Variants in CADPS observed in about 807,000 individuals in gnomAD.
CADPS encodes calcium-dependent secretion activator 1.
In CADPS, 57 loss-of-function variants were observed where a neutral mutation model predicts 167.3. The observed-to-expected ratio is 0.34, with a 90% CI of 0.28 to 0.42. CADPS has a LOEUF of 0.42. Ranked by LOEUF, CADPS falls within the 20% of genes least tolerant of loss-of-function variation. CADPS has a pLI of 1.00. For synonymous variants in CADPS, 676 were observed against 635.3 expected (o/e 1.06, Z -0.96); for missense variants, 1,414 against 1,738.1 (o/e 0.81, Z 3.32).
intron 6 of CADPS, among the ~76,000 whole-genome samples, chr3:62,618,218 T>A (rs2149423638): frequency 6.6e-6 from 1 of 152,230 alleles, no homozygotes. Context: ...AAAGGCTACC[T>A]AAGACTAAAG....
At chr3:62,806,892 C>A (rs1466959826) in intron 1 of CADPS, among the ~76,000 whole-genome samples, 2 of 152,142 alleles carry the variant, frequency 1.3e-5, no homozygotes, top group African/African-American at 4.8e-5. Flanking sequence ...TGCAACTCTT[C>A]CTGAATAAGA....
intron 8 of CADPS, among the ~76,000 whole-genome samples, chr3:62,582,310 G>A (rs992078547): frequency 6.6e-6 from 1 of 152,154 alleles, no homozygotes; most frequent in African/African-American, 2.4e-5. Context: ...GCTGGGTGTG[G>A]TGGTGCACAC....
intron 1 of CADPS, among the ~76,000 whole-genome samples, chr3:62,835,020 T>A (rs1188955994): frequency 6.6e-6 from 1 of 152,182 alleles, no homozygotes; most frequent in African/African-American, 2.4e-5. Context: ...AAGGAGCAGA[T>A]TCATTGTTTG....
At chr3:62,831,575 A>C (rs1251169219) in intron 1 of CADPS, among the ~76,000 whole-genome samples, 4 of 152,180 alleles carry the variant, frequency 2.6e-5, no homozygotes, top group Non-Finnish European at 5.9e-5. Context: ...CATTTGATTC[A>C]GTATAACGAA....
intron 3 of CADPS, among the ~76,000 whole-genome samples, chr3:62,699,321 G>A (rs67694459): frequency 0.18 from 26,607 of 151,834 alleles, 2,557 homozygotes; most frequent in Middle Eastern, 0.22. Context: ...ACCGGCGTGA[G>A]CCACTGTGCC....
intron 1 of CADPS, among the ~76,000 whole-genome samples, chr3:62,862,140 G>A (rs2080910690): frequency 1.3e-5 from 2 of 150,512 alleles, no homozygotes; most frequent in South Asian, 2.1e-4. Flanking sequence ...TCAATTAAGT[G>A]ACTTCCAAAC....
intron 3 of CADPS, among the ~76,000 whole-genome samples, chr3:62,665,704 A>T (rs1439897493): frequency 6.6e-6 from 1 of 152,172 alleles, no homozygotes; most frequent in East Asian, 1.9e-4. Context: ...GGGAGGCTGT[A>T]GCAGTGCTGG....
At chr3:62,612,963 A>G (rs1253911695) in intron 6 of CADPS, among the ~76,000 whole-genome samples, 3 of 152,212 alleles carry the variant, frequency 2.0e-5, no homozygotes, top group South Asian at 4.1e-4. Context: ...AAGACAGACA[A>G]TAATCAAATA....
At chr3:62,550,232 T>C in intron 10 of CADPS, 117 bp from the exon 11 acceptor site, 1 of 719,992 alleles carries the variant, frequency 1.4e-6, no homozygotes, top group Non-Finnish European at 2.4e-6. Flanking sequence ...AGGGGGGTAG[T>C]GATTAACTTA....
intron 1 of CADPS, among the ~76,000 whole-genome samples, chr3:62,868,478 T>C (rs181132763): frequency 1.6e-3 from 247 of 152,224 alleles, no homozygotes; most frequent in African/African-American, 5.7e-3. Flanking sequence ...TGTCATATCT[T>C]CCACTTGTAA....
intron 13 of CADPS, among the ~76,000 whole-genome samples, chr3:62,522,257 C>T (rs1208084603): frequency 1.3e-5 from 2 of 152,118 alleles, no homozygotes; most frequent in Non-Finnish European, 2.9e-5. Flanking sequence ...CTACTGCAGC[C>T]TCCTGAGAGG....
chr3:62,717,104 A>G (rs1177706148), intron 3 of CADPS, among the ~76,000 whole-genome samples: 2 of 152,132 alleles, frequency 1.3e-5, no homozygotes, highest in African/African-American at 2.4e-5. Context: ...CTATATGCAA[A>G]TATCTCCATA....
chr3:62,524,941 A>G (rs888349222), intron 13 of CADPS, among the ~76,000 whole-genome samples: 1 of 152,182 alleles, frequency 6.6e-6, no homozygotes, highest in Non-Finnish European at 1.5e-5. Context: ...ACAGACAACT[A>G]ATCTTTAGAT....
chr3:62,675,087 C>T (rs1283379275), intron 3 of CADPS, among the ~76,000 whole-genome samples: 1 of 152,098 alleles, frequency 6.6e-6, no homozygotes. Context: ...GGGGGACTCT[C>T]TTCCACAGAA....
chr3:62,539,270 G>T (rs563659484), intron 11 of CADPS, among the ~76,000 whole-genome samples: 1 of 152,008 alleles, frequency 6.6e-6, no homozygotes, highest in Non-Finnish European at 1.5e-5. Flanking sequence ...CCTTCCTGCC[G>T]TTATAGGCTG....
chr3:62,757,927 A>G (rs1051807928), intron 2 of CADPS, among the ~76,000 whole-genome samples: 3 of 152,166 alleles, frequency 2.0e-5, no homozygotes, highest in Admixed American at 6.5e-5. Flanking sequence ...CTTATTCACT[A>G]TCAAGAGAAC....
intron 3 of CADPS, among the ~76,000 whole-genome samples, chr3:62,686,820 C>T (rs2078135016): frequency 6.6e-6 from 1 of 152,074 alleles, no homozygotes; most frequent in South Asian, 2.1e-4. Flanking sequence ...TTGATAGCAT[C>T]TTTTGCTTAC....
chr3:62,616,628 T>C (rs2062353262), intron 6 of CADPS, among the ~76,000 whole-genome samples: 1 of 152,162 alleles, frequency 6.6e-6, no homozygotes, highest in South Asian at 2.1e-4. Context: ...CCCCACATTT[T>C]TGTATATTAA....
intron 8 of CADPS, among the ~76,000 whole-genome samples, chr3:62,584,914 C>A (rs2084252586): frequency 6.6e-6 from 1 of 152,130 alleles, no homozygotes; most frequent in Non-Finnish European, 1.5e-5. Context: ...CTAGAATCAC[C>A]TAGCATGCTG....
Sources: allele counts gnomAD v4.1 joint callset (sites outside exome capture counted in the v4.1 genomes callset), GRCh38; gene constraint gnomAD v4.1.1; transcripts MANE v1.5; gene names NCBI Gene and HGNC (gene_info 2026-07-23, HGNC 2026-07-21).